RABGAP1L: variants seen among roughly 807,000 people sequenced by gnomAD.
The protein encoded by RABGAP1L is rab GTPase-activating protein 1-like.
RABGAP1L carries 63 observed loss-of-function variants against 137.7 expected under a neutral mutation model. That is an observed-to-expected ratio of 0.46 (90% CI 0.37 to 0.56). The LOEUF is 0.56. Ranked by LOEUF, RABGAP1L falls within the 20% of genes least tolerant of loss-of-function variation. RABGAP1L has a pLI of 0.00. For synonymous variants in RABGAP1L, 431 were observed against 433.7 expected (o/e 0.99, Z 0.08); for missense variants, 1,095 against 1,244.0 (o/e 0.88, Z 1.80).
chr1:174,907,217 A>G (rs1659242190), intron 19 of RABGAP1L, among the ~76,000 whole-genome samples: 1 of 152,214 alleles, frequency 6.6e-6, no homozygotes, highest in Admixed American at 6.5e-5. Context: ...ATAAAATCAG[A>G]CAACTGAAAG....
chr1:174,541,179 G>A (rs1665389596), intron 13 of RABGAP1L, among the ~76,000 whole-genome samples: 1 of 152,144 alleles, frequency 6.6e-6, no homozygotes, highest in Admixed American at 6.5e-5. Context: ...ATCAGCTTAG[G>A]GAGATTTTGG....
chr1:174,982,268 T>A (rs1427199604), intron 23 of RABGAP1L, among the ~76,000 whole-genome samples: 1 of 152,198 alleles, frequency 6.6e-6, no homozygotes, highest in Admixed American at 6.5e-5. Flanking sequence ...TTTCTCCTAA[T>A]GTTATGCCTC....
chr1:174,839,041 G>T (rs1434053814), intron 19 of RABGAP1L, among the ~76,000 whole-genome samples: 2 of 147,962 alleles, frequency 1.4e-5, no homozygotes, highest in African/African-American at 5.0e-5. Flanking sequence ...GTGTGTGTGT[G>T]TGTGTGTGTG....
intron 4 of RABGAP1L, among the ~76,000 whole-genome samples, chr1:174,240,771 T>C (rs12079820): frequency 0.5 from 75,571 of 152,120 alleles, 21,340 homozygotes; most frequent in African/African-American, 0.78. Flanking sequence ...CTATTCTAGA[T>C]TGGCATTCCT....
intron 18 of RABGAP1L, among the ~76,000 whole-genome samples, chr1:174,781,594 G>T (rs1205752396): frequency 6.6e-6 from 1 of 152,066 alleles, no homozygotes. Context: ...GTCAATTTTG[G>T]CTTTTGTTGC....
intron 19 of RABGAP1L, among the ~76,000 whole-genome samples, chr1:174,932,097 T>C (rs1346519819): frequency 6.8e-6 from 1 of 146,056 alleles, no homozygotes; most frequent in East Asian, 2.1e-4. Context: ...AGCAGTTAGA[T>C]AGTAAACAGA....
intron 18 of RABGAP1L, among the ~76,000 whole-genome samples, chr1:174,786,985 C>G (rs754685870): frequency 2.0e-5 from 3 of 152,126 alleles, no homozygotes; most frequent in African/African-American, 4.8e-5. Context: ...CTCAGAGTTT[C>G]ACTGGGAAGT....
At chr1:174,369,627 T>C (rs1684935051) in intron 11 of RABGAP1L, among the ~76,000 whole-genome samples, 1 of 152,246 alleles carries the variant, frequency 6.6e-6, no homozygotes, top group Non-Finnish European at 1.5e-5. Context: ...TTTCTATTTA[T>C]ATCATTCAGT....
At chr1:174,686,648 CTTTTTTTT>C (rs533716511) in intron 15 of RABGAP1L, among the ~76,000 whole-genome samples, 40 of 105,762 alleles carry the variant, frequency 3.8e-4, no homozygotes, top group Middle Eastern at 5.4e-3. Context: ...ACAAAGCAAT[CTTTTTTTT>C]TTTTTTTTTT....
chr1:174,651,978 T>C (rs1675547355), intron 14 of RABGAP1L, among the ~76,000 whole-genome samples: 1 of 152,214 alleles, frequency 6.6e-6, no homozygotes, highest in Admixed American at 6.5e-5. Flanking sequence ...TGGTACCGGT[T>C]GTTCCTTTCC....
At chr1:174,854,796 G>A (rs555368576) in intron 19 of RABGAP1L, among the ~76,000 whole-genome samples, 6 of 115,880 alleles carry the variant, frequency 5.2e-5, no homozygotes, top group East Asian at 2.7e-4. Flanking sequence ...AGGCTGGAGC[G>A]CAGTGATCTT....
intron 1 of RABGAP1L, among the ~76,000 whole-genome samples, chr1:174,217,219 A>G (rs1669404269): frequency 6.6e-6 from 1 of 152,328 alleles, no homozygotes; most frequent in African/African-American, 2.4e-5. Flanking sequence ...CGGGACTGGA[A>G]ACAAGTTTGG....
intron 13 of RABGAP1L, chr1:174,548,319 A>G: frequency 8.3e-7 from 1 of 1,212,096 alleles, no homozygotes; most frequent in East Asian, 3.7e-5. Flanking sequence ...ATCCATTTGT[A>G]AAATGATAGT....
intron 13 of RABGAP1L, among the ~76,000 whole-genome samples, chr1:174,529,343 C>T (rs1664192789): frequency 6.6e-6 from 1 of 152,056 alleles, no homozygotes; most frequent in Non-Finnish European, 1.5e-5. Flanking sequence ...TTTTTTAGGA[C>T]ACTTTGGCTT....
intron 13 of RABGAP1L, among the ~76,000 whole-genome samples, chr1:174,626,685 A>T (rs1377200636): frequency 1.3e-5 from 2 of 152,168 alleles, no homozygotes; most frequent in African/African-American, 4.8e-5. Context: ...TCAAGGAACA[A>T]AGGCTGGCAA....
chr1:174,614,244 G>A (rs577219474), intron 13 of RABGAP1L, among the ~76,000 whole-genome samples: 15 of 152,246 alleles, frequency 9.9e-5, no homozygotes, highest in African/African-American at 2.9e-4. Context: ...CTCTTTTAGG[G>A]CAGGCCTGGT....
At chr1:174,318,579 G>GT (rs1553272529) in intron 11 of RABGAP1L, among the ~76,000 whole-genome samples, 2 of 106,492 alleles carry the variant, frequency 1.9e-5, no homozygotes, top group Non-Finnish European at 4.2e-5. Flanking sequence ...TTTGGTGATT[G>GT]TTTTCTTTCT....
At chr1:174,599,991 CAT>C (rs761675118) in intron 13 of RABGAP1L, among the ~76,000 whole-genome samples, 84 of 152,256 alleles carry the variant, frequency 5.5e-4, no homozygotes, top group Non-Finnish European at 1.0e-3. Flanking sequence ...CTGATAAAGA[CAT>C]ACCCAAGACT....
chr1:174,764,934 C>T (rs771161211), intron 18 of RABGAP1L, among the ~76,000 whole-genome samples: 1 of 152,210 alleles, frequency 6.6e-6, no homozygotes, highest in East Asian at 1.9e-4. Flanking sequence ...TGTTTTAATC[C>T]AGCCCTTCCA....
Sources: gnomAD v4.1 joint callset for allele counts (sites outside exome capture counted in the v4.1 genomes callset) on GRCh38, gnomAD v4.1.1 for gene constraint, MANE v1.5 for transcripts, NCBI Gene and HGNC (gene_info 2026-07-23, HGNC 2026-07-21) for gene names.